Variants in MCM2 observed in about 807,000 individuals in gnomAD.
The protein encoded by MCM2 is minichromosome maintenance complex component 2, also known as DNA replication licensing factor MCM2.
A neutral mutation model predicts 86.4 loss-of-function variants in MCM2; 49 were observed. That is an observed-to-expected ratio of 0.57 (90% CI 0.45 to 0.72). The LOEUF (loss-of-function observed/expected upper bound fraction) is 0.72. Ranked by LOEUF, MCM2 falls within the 30% of genes least tolerant of loss-of-function variation. The pLI is 0.00. For missense variants in MCM2, 1,038 were observed against 1,259.9 expected, an observed-to-expected ratio of 0.82 and a Z score of 2.67; for synonymous variants, 475 against 484.6, an observed-to-expected ratio of 0.98 and a Z score of 0.26.
chr3:127,611,335 TGAG>T (rs1176132849), intron 8 of MCM2, among the ~76,000 whole-genome samples: 2 of 152,234 alleles, frequency 1.3e-5, no homozygotes, highest in Non-Finnish European at 2.9e-5. Flanking sequence ...GCTGCATGCT[TGAG>T]GAACTCTCTT....
At chr3:127,609,950 T>TTCTTGTGCCTCAGCC (rs1157893811) in intron 8 of MCM2, among the ~76,000 whole-genome samples, 15 of 150,752 alleles carry the variant, frequency 1.0e-4, no homozygotes, top group Non-Finnish European at 5.9e-5. Context: ...GTTCAAGCGA[T>TTCTTGTGCCTCAGCC]TCTTGTGCCT....
At position 127,608,822 on chromosome 3, in the gene MCM2, C is replaced by G; in HGVS notation, c.1237-10C>G. On this transcript the variant is annotated splice_polypyrimidine_tract_variant and intron_variant, in intron 7 of 15. Coordinates refer to ENST00000265056, the MANE Select transcript of MCM2 (RefSeq NM_004526.4). ...TAGGCTCTGACTTCTTGGCCCCTCC[C>G]TTTCCCCAGGAGCTGACTGGCATCT... 6.2e-7 allele frequency: 1 copy of G among 1,613,560 alleles called. No homozygotes were observed. The highest frequency in any genetic ancestry group is 8.5e-7 in the Non-Finnish European group (1 of 1,179,560).
At chr3:127,599,594 GC>G in intron 2 of MCM2, 47 bp downstream of exon 2, 1 of 1,531,628 alleles carries the variant, frequency 6.5e-7, no homozygotes, top group Non-Finnish European at 8.9e-7. Flanking sequence ...TTTGCAGAGA[GC>G]CCATTGTGTG....
In MCM2 at chr3:127,621,895, T is replaced by C; in HGVS notation, c.*122T>C. On this transcript the variant is annotated 3_prime_UTR_variant, in exon 16 of 16. Coordinates refer to ENST00000265056, the MANE Select transcript of MCM2 (RefSeq NM_004526.4). ...CTCGGGGTACTAGGGTCAGGGCTTA[T>C]AGCAGGATGTCTGGCTGCACCTGGC... 3.1e-6 allele frequency: 2 copies of C among 641,574 alleles called. No individual in the cohort carries two copies. Among genetic ancestry groups the C allele is most frequent in the East Asian group, 2.8e-5 (1 of 35,384 alleles). 39.7% of individuals were successfully genotyped at this position (641,574 alleles called of 1,614,324 possible). A position where few individuals can be genotyped will look rare whatever the true frequency, so the allele number is the denominator to read the frequency against.
intron 14 of MCM2, 66 bp from the exon 15 acceptor site, chr3:127,621,007 G>T: frequency 6.3e-7 from 1 of 1,592,458 alleles, no homozygotes; most frequent in Admixed American, 1.7e-5. Context: ...GTGCTGGCAC[G>T]TAGGGTAAAG....
chr3:127,616,057 A>G (rs2074430600), intron 9 of MCM2, 102 bp downstream of exon 9: 3 of 935,208 alleles, frequency 3.2e-6, no homozygotes, highest in Non-Finnish European at 5.1e-6. Context: ...GGTGCTGGGG[A>G]GAAAGAATGC....
At chr3:127,611,691 T>TA (rs2074397556) in intron 8 of MCM2, among the ~76,000 whole-genome samples, 1 of 107,712 alleles carries the variant, frequency 9.3e-6, no homozygotes, top group East Asian at 2.6e-4. Context: ...ACTTTTTTTT[T>TA]TTTTTTTTTT....
Position 127,599,546 on chromosome 3 carries a change from A to G in MCM2, c.235A>G (p.Arg79Gly), listed in dbSNP as rs1264175015. 1 of 1,611,712 alleles carries G rather than the reference A, an allele frequency of 6.2e-7. No homozygotes were observed. The highest frequency in any genetic ancestry group is 8.5e-7 in the Non-Finnish European group (1 of 1,178,608). ...GGAGCTCATTGGAGATGGCATGGAA[A>G]GGTAATTTCATTCAAGGCCCTGGAC... The part of the protein sequence containing the change: ...GEELIGDGME[R>G]DYRAIPELDA... The change falls in exon 2 of 16, where the codon AGG becomes GGG. Residue 79 changes from arginine to glycine, a missense_variant and splice_region_variant. Transcript: ENST00000265056.
At position 127,604,890 on chromosome 3, in the gene MCM2, C is replaced by T. The variant is rs751363115; in HGVS notation, c.413-6C>T. ...CCGCAGTAGCAGGTGTCTCTTGCCT[C>T]CCCAGACAGCGATGAGGAGGACGAG... On this transcript the variant is annotated splice_polypyrimidine_tract_variant and splice_region_variant and intron_variant, in intron 3 of 15. Transcript: ENST00000265056. 13 of 1,605,598 alleles carry T rather than the reference C, an allele frequency of 8.1e-6. No individual in the cohort carries two copies. The South Asian group carries it at 1.0e-4, about 12-fold the overall frequency.
chr3:127,610,377 G>A (rs1236420217), intron 8 of MCM2, among the ~76,000 whole-genome samples: 4 of 152,178 alleles, frequency 2.6e-5, no homozygotes, highest in African/African-American at 9.7e-5. Context: ...TTGAAGGAAT[G>A]GATGGTGGGG....
At chr3:127,621,025 G>A in intron 14 of MCM2, 48 bp from the exon 15 acceptor site, 1 of 1,604,732 alleles carries the variant, frequency 6.2e-7, no homozygotes, top group Non-Finnish European at 8.5e-7. Context: ...AAGGGAGTGT[G>A]GCAGGCGTAG....
Position 127,618,083 on chromosome 3 carries a change from TA to T in MCM2, c.2013+3del. On this transcript the variant is annotated splice_donor_region_variant and intron_variant, in intron 12 of 15. Coordinates refer to ENST00000265056, the MANE Select transcript of MCM2 (RefSeq NM_004526.4). The surrounding 1 kb of genome is among the most constrained non-coding windows in gnomAD (Gnocchi z 4.0). ...AGGGACACCGTGGACCCAGTCCAGG[TA>T]TAGCTCACATGTGCCCGGTTTCCAT... 6.2e-7 allele frequency: 1 copy of T among 1,612,718 alleles called. No homozygotes were observed. The highest frequency in any genetic ancestry group is 8.5e-7 in the Non-Finnish European group (1 of 1,178,918).
At chr3:127,611,060 A>G in intron 8 of MCM2, 1 of 429,466 alleles carries the variant, frequency 2.3e-6, no homozygotes, top group Non-Finnish European at 4.7e-6. Flanking sequence ...GAAATAGACA[A>G]GATCTTTTCA....
Position 127,599,447 on chromosome 3 carries a change from C to G in MCM2, c.136C>G (p.Leu46Val). Residue 46 changes from leucine (L) to valine (V), a missense_variant, in exon 2 of 16, where the codon CTT becomes GTT. Leu to Val is a conservative substitution (Grantham distance 32). This residue lies in a region of MCM2 where 300 missense variants were observed against 307.4 expected (regional missense o/e 0.98). Coordinates refer to ENST00000265056, the MANE Select transcript of MCM2 (RefSeq NM_004526.4). ...CCTCACCTCCAGCCCTGGCCGTGACCTTCCACCATTTGAGGATGAGTCCGA... is the reference window on the plus strand; with the variant it reads ...CCTCACCTCCAGCCCTGGCCGTGACGTTCCACCATTTGAGGATGAGTCCGA... ...DALTSSPGRD[L>V]PPFEDESEGL... The G allele has an allele frequency of 6.2e-7, 1 of 1,614,212 alleles. No individual in the cohort carries two copies. Among genetic ancestry groups the G allele is most frequent in the Non-Finnish European group, 8.5e-7 (1 of 1,180,050 alleles).
intron 4 of MCM2, among the ~76,000 whole-genome samples, chr3:127,605,708 G>A (rs549064393): frequency 6.6e-6 from 1 of 152,110 alleles, no homozygotes; most frequent in African/African-American, 2.4e-5. Flanking sequence ...CCAGAGTGTT[G>A]AGATAACAGG....
rs1194027834 is a variant in MCM2, at chr3:127,619,056, C to T, written c.2043C>T (p.Gly681=). 4 of 1,608,406 alleles carry T rather than the reference C, an allele frequency of 2.5e-6. No homozygotes were observed. The highest frequency in any genetic ancestry group is 1.7e-5 in the Admixed American group (1 of 59,696). The change falls in exon 13 of 16, where the codon GGC becomes GGT. Residue 681 remains glycine, a synonymous_variant. Coordinates refer to ENST00000265056, the MANE Select transcript of MCM2 (RefSeq NM_004526.4). ...AGATGCTGGCCCGCTTCGTGGTGGG[C>T]AGCCACGTCAGACACCACCCCAGCA... ...QDEMLARFVV[G]SHVRHHPSNK... is the part of the protein sequence containing the mutation.
Position 127,600,540 on chromosome 3 carries a change from G to A in MCM2, c.236+993G>A, listed in dbSNP as rs550357610. ...TCCCTAGGATGTCAGACAGTTGAGAGGCTTTCAAGGGCACTCCAGACTGGA... is the reference window on the plus strand; with the variant it reads ...TCCCTAGGATGTCAGACAGTTGAGAAGCTTTCAAGGGCACTCCAGACTGGA... On this transcript the variant is annotated intron_variant, in intron 2 of 15. Transcript: ENST00000265056. Among the ~76,000 whole-genome samples, 8 of 152,260 alleles carry A rather than the reference G, an allele frequency of 5.3e-5. No individual in the cohort carries two copies. The South Asian group carries it at 1.7e-3, about 32-fold the overall frequency.
intron 2 of MCM2, among the ~76,000 whole-genome samples, chr3:127,602,609 G>A (rs1254046615): frequency 6.6e-6 from 1 of 152,220 alleles, no homozygotes; most frequent in East Asian, 1.9e-4. Context: ...AGGGAAGAGA[G>A]CACTGCAGGG....
At chr3:127,619,708 T>A (rs1359755805) in intron 13 of MCM2, among the ~76,000 whole-genome samples, 2 of 148,232 alleles carry the variant, frequency 1.3e-5, no homozygotes, top group African/African-American at 5.0e-5. Flanking sequence ...GAAAGTTGGG[T>A]ACAGTGATTC....
Sources: gnomAD v4.1 joint callset for allele counts (sites outside exome capture counted in the v4.1 genomes callset) on GRCh38, gnomAD v4.1.1 for gene constraint, gnomAD v4.1.1 regional missense constraint, Gnocchi (gnomAD v3.1) non-coding constraint, MANE v1.5 for transcripts, NCBI Gene and HGNC (gene_info 2026-07-23, HGNC 2026-07-21) for gene names.